ROCK1: variants seen among roughly 807,000 people sequenced by gnomAD.
ROCK1 encodes the protein rho-associated protein kinase 1.
A neutral mutation model predicts 196.8 loss-of-function variants in ROCK1; 36 were observed. The observed-to-expected ratio is 0.18, with a 90% CI of 0.14 to 0.24. The LOEUF (loss-of-function observed/expected upper bound fraction) is 0.24. Ranked by LOEUF, ROCK1 falls within the 10% of genes least tolerant of loss-of-function variation. ROCK1 has a pLI of 1.00. For synonymous variants in ROCK1, 443 were observed against 515.9 expected, an observed-to-expected ratio of 0.86 and a Z score of 1.91; for missense variants, 920 against 1,562.0, an observed-to-expected ratio of 0.59 and a Z score of 6.93.
intron 22 of ROCK1, among the ~76,000 whole-genome samples, chr18:20,972,269 A>G (rs537611672): frequency 6.6e-6 from 1 of 152,308 alleles, no homozygotes; most frequent in Admixed American, 6.5e-5. Flanking sequence ...TTTTCACTTA[A>G]ACAACTAGGA....
At chr18:20,992,074 T>C (rs1186542221) in intron 17 of ROCK1, among the ~76,000 whole-genome samples, 2 of 152,208 alleles carry the variant, frequency 1.3e-5, no homozygotes, top group Non-Finnish European at 2.9e-5. Context: ...TGGCAAGTCA[T>C]TGATATAGAA....
rs568575281 is a variant in ROCK1, at chr18:21,072,975, G to A, written c.94-2362C>T. Among the ~76,000 whole-genome samples, 3 of 149,448 alleles carry A rather than the reference G, an allele frequency of 2.0e-5. No individual in the cohort carries two copies. In the South Asian group the frequency reaches 6.3e-4, roughly 32 times the overall value. On this transcript the variant is annotated intron_variant, in intron 1 of 32. Coordinates refer to ENST00000399799, the MANE Select transcript of ROCK1 (RefSeq NM_005406.3). ...TGTAATCCCAGCTACTCGGGAGGTT[G>A]AGACAGGACAATCGCTTGAACCCGG...
chr18:20,990,274 G>A (rs8085654), intron 18 of ROCK1, among the ~76,000 whole-genome samples: 78,623 of 151,652 alleles, frequency 0.52, 21,566 homozygotes, highest in African/African-American at 0.71. Flanking sequence ...AGATGAATTA[G>A]CAGATGATGA....
intron 1 of ROCK1, among the ~76,000 whole-genome samples, chr18:21,092,446 T>C (rs932291840): frequency 1.3e-5 from 2 of 151,838 alleles, no homozygotes; most frequent in African/African-American, 4.8e-5. Context: ...TAGCCAGCTG[T>C]GATGGCACAG....
At chr18:21,049,450 T>C (rs1434209165) in intron 3 of ROCK1, among the ~76,000 whole-genome samples, 1 of 152,230 alleles carries the variant, frequency 6.6e-6, no homozygotes, top group Non-Finnish European at 1.5e-5. Flanking sequence ...ATTTCCTATA[T>C]TACAAGACAC....
At chr18:21,099,658 T>C (rs1395363756) in intron 1 of ROCK1, among the ~76,000 whole-genome samples, 2 of 152,002 alleles carry the variant, frequency 1.3e-5, no homozygotes, top group South Asian at 2.1e-4. Flanking sequence ...AGTGAGAGAA[T>C]CGCTTGAGCC....
intron 2 of ROCK1, among the ~76,000 whole-genome samples, chr18:21,065,739 G>T (rs1362868023): frequency 6.6e-6 from 1 of 152,130 alleles, no homozygotes; most frequent in Non-Finnish European, 1.5e-5. Context: ...TATCAGGTAT[G>T]TGAGGCTGAT....
At chr18:20,964,685 AC>A (rs1465769384) in intron 27 of ROCK1, among the ~76,000 whole-genome samples, 91 of 152,320 alleles carry the variant, frequency 6.0e-4, no homozygotes, top group African/African-American at 2.0e-3. Flanking sequence ...AACCTTAAAA[AC>A]AAAATTCCTG....
In ROCK1 at chr18:20,963,057, C is replaced by G. The variant is rs114272379; in HGVS notation, c.3353-2851G>C. 2.1e-3 allele frequency among the ~76,000 whole-genome samples: 313 copies of G among 152,104 alleles called. 2 individuals are homozygous for G. Among genetic ancestry groups the G allele is most frequent in the African/African-American group, 7.3e-3 (304 of 41,528 alleles). The stretch of plus-strand genomic sequence containing the variant: ...TCTTTTATATCACAAGCACAGAAAA[C>G]AGCTTCTCCAGATAACTAAATGAAA... On this transcript the variant is annotated intron_variant, in intron 27 of 32. Coordinates refer to ENST00000399799, the MANE Select transcript of ROCK1 (RefSeq NM_005406.3).
rs2036147099 is a variant in ROCK1, at chr18:21,045,396, T to C, written c.486A>G (p.Val162=). 5 of 1,613,568 alleles carry C rather than the reference T, an allele frequency of 3.1e-6. No homozygotes were observed. The highest frequency in any genetic ancestry group is 4.2e-6 in the Non-Finnish European group (5 of 1,179,866). Residue 162 remains valine (V), a synonymous_variant, in exon 5 of 33, where the codon GTA becomes GTG. Transcript: ENST00000399799. ...VMEYMPGGDL[V]NLMSNYDVPE... Reference sequence around the variant, plus strand: ...GCACATCATAGTTGCTCATTAAGTTTACAAGATCTCCACCAGGCATGTATT... The same window carrying C: ...GCACATCATAGTTGCTCATTAAGTTCACAAGATCTCCACCAGGCATGTATT...
chr18:20,948,003 G>A lies in ROCK1; in HGVS notation c.*3381C>T, dbSNP rs1211838125. 3.9e-5 allele frequency: 6 copies of A among 151,976 alleles called. No individual in the cohort carries two copies. Among genetic ancestry groups the A allele is most frequent in the African/African-American group, 9.7e-5 (4 of 41,366 alleles). 9.4% of individuals were successfully genotyped at this position (151,976 alleles called of 1,614,324 possible). ...TGGGCACCTGTAATCCCAGCTACTC[G>A]GGAGTCTGAGGCAGGAGGATCACTT... is the stretch of plus-strand genomic sequence containing the variant. On this transcript the variant is annotated 3_prime_UTR_variant, in exon 33 of 33. Transcript: ENST00000399799.
chr18:21,098,940 T>C (rs1568409983), intron 1 of ROCK1, among the ~76,000 whole-genome samples: 1 of 152,232 alleles, frequency 6.6e-6, no homozygotes, highest in African/African-American at 2.4e-5. Flanking sequence ...TCTTACAACA[T>C]ATTGTTGGTG....
At chr18:21,056,279 T>C (rs1303678907) in intron 2 of ROCK1, among the ~76,000 whole-genome samples, 9 of 152,000 alleles carry the variant, frequency 5.9e-5, no homozygotes, top group Non-Finnish European at 1.0e-4. Context: ...ACTTTCAAAA[T>C]ATATCCTCTT....
chr18:21,028,058 G>A (rs2035975828), intron 10 of ROCK1, among the ~76,000 whole-genome samples: 1 of 149,444 alleles, frequency 6.7e-6, no homozygotes, highest in Non-Finnish European at 1.5e-5. Flanking sequence ...ACCGCGCCCG[G>A]CCCACTTAAT....
chr18:21,066,940 T>C (rs970811655), intron 2 of ROCK1, among the ~76,000 whole-genome samples: 20 of 152,322 alleles, frequency 1.3e-4, no homozygotes, highest in African/African-American at 4.6e-4. Flanking sequence ...TCAGTAAATA[T>C]CTAGGAGCAG....
rs1004666373 is a variant in ROCK1 at position 20,951,242 on chromosome 18, C to G, written c.*142G>C. 1 of 678,958 alleles carries G rather than the reference C, an allele frequency of 1.5e-6. No homozygotes were observed. The highest frequency in any genetic ancestry group is 2.4e-6 in the Non-Finnish European group (1 of 417,848). 42.1% of individuals were successfully genotyped at this position (678,958 alleles called of 1,614,324 possible). A position where few individuals can be genotyped will look rare whatever the true frequency, so the allele number is the denominator to read the frequency against. ...AAACCCTCAGTGTGTTGTGCCAAAG[C>G]AAGGACAGAAAAACAGCAATCTTAA... On this transcript the variant is annotated 3_prime_UTR_variant, in exon 33 of 33. Coordinates refer to ENST00000399799, the MANE Select transcript of ROCK1 (RefSeq NM_005406.3).
In ROCK1 at chr18:21,023,565, A is replaced by G; in HGVS notation, c.1272+55T>C. On this transcript the variant is annotated intron_variant, in intron 11 of 32. Coordinates refer to ENST00000399799, the MANE Select transcript of ROCK1 (RefSeq NM_005406.3). ...AATTTACTATCATACCCACAAATATATTATCCACAAAACAATTTTAAAAAC... is the reference window on the plus strand; with the variant it reads ...AATTTACTATCATACCCACAAATATGTTATCCACAAAACAATTTTAAAAAC... 4.1e-6 allele frequency: 4 copies of G among 967,494 alleles called. No individual in the cohort carries two copies. In the East Asian group the frequency reaches 1.1e-4, roughly 26 times the overall value. 59.9% of individuals were successfully genotyped at this position (967,494 alleles called of 1,614,324 possible).
intron 8 of ROCK1, among the ~76,000 whole-genome samples, chr18:21,040,940 T>G (rs2036100315): frequency 1.3e-5 from 2 of 151,382 alleles, no homozygotes; most frequent in Non-Finnish European, 2.9e-5. Flanking sequence ...CTGGCCAACA[T>G]AGTGAAACCC....
At chr18:21,028,455 T>A (rs1221453535) in intron 10 of ROCK1, among the ~76,000 whole-genome samples, 2 of 152,036 alleles carry the variant, frequency 1.3e-5, no homozygotes, top group African/African-American at 4.8e-5. Context: ...AAAGTCTACA[T>A]GTTGTTTCAA....
Sources: allele counts gnomAD v4.1 joint callset (sites outside exome capture counted in the v4.1 genomes callset), GRCh38; gene constraint gnomAD v4.1.1; transcripts MANE v1.5; gene names NCBI Gene and HGNC (gene_info 2026-07-23, HGNC 2026-07-21).